PMS1: variants seen among roughly 807,000 people sequenced by gnomAD.
PMS1 encodes the protein PMS1 protein homolog 1.
A neutral mutation model predicts 93.1 loss-of-function variants in PMS1; 79 were observed. The observed-to-expected ratio is 0.85, with a 90% confidence interval of 0.71 to 1.02. The LOEUF is 1.02. Ranked by LOEUF, PMS1 falls within the 50% of genes least tolerant of loss-of-function variation. The probability of loss-of-function intolerance (pLI) is 0.00; values close to 1 mark genes in which losing one functional copy is unlikely to be tolerated. For missense variants in PMS1, 1,064 were observed against 1,085.3 expected (o/e 0.98, Z 0.28); for synonymous variants, 335 against 363.4 (o/e 0.92, Z 0.89).
rs145103030 is a variant in PMS1, at chr2:189,877,392, C to A, written c.2755C>A (p.Arg919Ser). 1 of 1,612,828 alleles carries A rather than the reference C, an allele frequency of 6.2e-7. No homozygotes were observed. The change falls in exon 13 of 13, where the codon CGC (arginine) becomes AGC (serine). Residue 919 changes from arginine (R) to serine (S), a missense_variant. Transcript: ENST00000441310. ...TGAAATTAAAGAGTGTGTTCATGGT[C>A]GCCCATTTTTTCATCATTTAACCTA... is the stretch of plus-strand genomic sequence containing the variant. ...GNEIKECVHG[R>S]PFFHHLTYLP...
chr2:189,844,173 G>C (rs1254365119), intron 6 of PMS1, 93 bp downstream of exon 6: 5 of 1,588,364 alleles, frequency 3.1e-6, no homozygotes, highest in Non-Finnish European at 4.3e-6. Context: ...CAAGAGGTTA[G>C]TCTTTTAATA....
chr2:189,800,371 A>C (rs1488462233), intron 3 of PMS1, among the ~76,000 whole-genome samples: 1 of 152,226 alleles, frequency 6.6e-6, no homozygotes. Context: ...GCTAAGTTCA[A>C]TAGATAAGTT....
At chr2:189,817,984 A>G in intron 4 of PMS1, 33 bp from the exon 5 acceptor site, 1 of 1,545,686 alleles carries the variant, frequency 6.5e-7, no homozygotes, top group Middle Eastern at 1.7e-4. Context: ...TTCCTTCCAA[A>G]TCTAAATGTG....
Position 189,818,043 on chromosome 2 carries a change from T to C in PMS1, c.445T>C (p.Phe149Leu), listed in dbSNP as rs1413798715. ...QGTTVTALRL[F>L]KNLPVRKQFY... The stretch of plus-strand genomic sequence containing the variant: ...TACAACTGTAACTGCTTTAAGATTA[T>C]TTAAGAATCTACCTGTAAGAAAGCA... Residue 149 changes from phenylalanine to leucine, a missense_variant, in exon 5 of 13, where the codon TTT becomes CTT. Phe to Leu is a conservative substitution (Grantham distance 22). Coordinates refer to ENST00000441310, the MANE Select transcript of PMS1 (RefSeq NM_000534.5). 1.9e-6 allele frequency: 3 copies of C among 1,610,170 alleles called. No individual in the cohort carries two copies. Among genetic ancestry groups the C allele is most frequent in the Non-Finnish European group, 2.5e-6 (3 of 1,176,832 alleles).
At chr2:189,863,309 A>T (rs1201136410) in intron 9 of PMS1, among the ~76,000 whole-genome samples, 2 of 147,714 alleles carry the variant, frequency 1.4e-5, no homozygotes, top group Non-Finnish European at 3.0e-5. Flanking sequence ...GCTGGAGTGC[A>T]GTGGCACGAT....
intron 2 of PMS1, among the ~76,000 whole-genome samples, chr2:189,792,688 A>AAT (rs3067428): frequency 0.09 from 11,385 of 126,878 alleles, 516 homozygotes; most frequent in Admixed American, 0.12. Flanking sequence ...TATGGACACA[A>AAT]ATATATATAT....
At chr2:189,858,084 G>A (rs1222348346) in intron 9 of PMS1, among the ~76,000 whole-genome samples, 3 of 152,114 alleles carry the variant, frequency 2.0e-5, no homozygotes, top group African/African-American at 4.8e-5. Flanking sequence ...ATAAGGAGTA[G>A]GATCAGGATT....
chr2:189,814,459 TTA>T (rs1205756223), intron 4 of PMS1, among the ~76,000 whole-genome samples: 1 of 152,212 alleles, frequency 6.6e-6, no homozygotes, highest in African/African-American at 2.4e-5. Context: ...CAATCTTCTT[TTA>T]TTTTTCTCTT....
chr2:189,854,546 T>C lies in PMS1; in HGVS notation c.1274T>C (p.Ile425Thr), dbSNP rs1379042842. The C allele has an allele frequency of 6.2e-7, 1 of 1,613,388 alleles. No homozygotes were observed. The highest frequency in any genetic ancestry group is 8.5e-7 in the Non-Finnish European group (1 of 1,179,578). ...GGTTATGGTCATTGTAGTAGTGAAA[T>C]TTCTAACATTGATAAAAACACTAAG... Reference protein sequence around the residue: ...DFGYGHCSSEISNIDKNTKNA... With the variant: ...DFGYGHCSSETSNIDKNTKNA... The change falls in exon 9 of 13, where the codon ATT becomes ACT. Residue 425 changes from isoleucine (I) to threonine (T), a missense_variant. Transcript: ENST00000441310.
In PMS1 at chr2:189,854,664, C is replaced by T. The variant is rs1165898203; in HGVS notation, c.1392C>T (p.His464=). The T allele has an allele frequency of 6.2e-7, 1 of 1,613,824 alleles. No individual in the cohort carries two copies. The highest frequency in any genetic ancestry group is 8.5e-7 in the Non-Finnish European group (1 of 1,179,814). The change falls in exon 9 of 13, where the codon CAC becomes CAT. Residue 464 remains histidine (H), a synonymous_variant. Coordinates refer to ENST00000441310, the MANE Select transcript of PMS1 (RefSeq NM_000534.5). ...SKTCFISSVK[H]TQSENGNKDH... ...CTTGTTTTATAAGTTCCGTTAAGCA[C>T]ACCCAGTCAGAAAATGGCAATAAAG...
At chr2:189,844,814 C>T (rs1315377530) in intron 6 of PMS1, among the ~76,000 whole-genome samples, 3 of 151,508 alleles carry the variant, frequency 2.0e-5, no homozygotes, top group Admixed American at 1.3e-4. Flanking sequence ...GTCATATCAG[C>T]AATAGTTTTA....
At chr2:189,874,259 A>G (rs2057381015) in intron 12 of PMS1, among the ~76,000 whole-genome samples, 1 of 152,210 alleles carries the variant, frequency 6.6e-6, no homozygotes, top group African/African-American at 2.4e-5. Context: ...AAAACATTTC[A>G]TAAATAATCC....
In PMS1 at chr2:189,852,715, A is replaced by G; in HGVS notation, c.760A>G (p.Thr254Ala). The G allele has an allele frequency of 6.3e-7, 1 of 1,581,480 alleles. No individual in the cohort carries two copies. Among genetic ancestry groups the G allele is most frequent in the Non-Finnish European group, 8.7e-7 (1 of 1,150,306 alleles). ...AGACCACTCTTTCACTAGTCTTTCAACACCAGAAAGAAGTTTCATCTTCAT... is the reference window on the plus strand; with the variant it reads ...AGACCACTCTTTCACTAGTCTTTCAGCACCAGAAAGAAGTTTCATCTTCAT... ...DADHSFTSLS[T>A]PERSFIFINS... Residue 254 changes from threonine (T) to alanine (A), a missense_variant, in exon 7 of 13, where the codon ACA becomes GCA. Thr to Ala is a moderately conservative substitution (Grantham distance 58, BLOSUM62 0). Coordinates refer to ENST00000441310, the MANE Select transcript of PMS1 (RefSeq NM_000534.5).
Position 189,854,087 on chromosome 2 carries a change from C to T in PMS1, c.966+5C>T. On this transcript the variant is annotated splice_donor_5th_base_variant and intron_variant, in intron 8 of 12. Coordinates refer to ENST00000441310, the MANE Select transcript of PMS1 (RefSeq NM_000534.5). The stretch of plus-strand genomic sequence containing the variant: ...CAAGTATTATTACAAAATAAGGTAA[C>T]TCTTTTCAGATAATTTTTTCTTATG... 2 of 1,568,306 alleles carry T rather than the reference C, an allele frequency of 1.3e-6. No individual in the cohort carries two copies. The highest frequency in any genetic ancestry group is 1.7e-6 in the Non-Finnish European group (2 of 1,148,430).
chr2:189,826,761 T>C (rs767560841), intron 5 of PMS1, among the ~76,000 whole-genome samples: 1 of 152,132 alleles, frequency 6.6e-6, no homozygotes, highest in Non-Finnish European at 1.5e-5. Flanking sequence ...TTTGACAGCC[T>C]TTTATAGGAG....
At chr2:189,793,238 G>C (rs1330368402) in intron 2 of PMS1, among the ~76,000 whole-genome samples, 3 of 152,172 alleles carry the variant, frequency 2.0e-5, no homozygotes, top group Admixed American at 6.5e-5. Flanking sequence ...TCTTCTCTCT[G>C]TGCCAGTGGT....
chr2:189,801,502 T>A (rs2049887623), intron 3 of PMS1, among the ~76,000 whole-genome samples: 1 of 152,184 alleles, frequency 6.6e-6, no homozygotes, highest in Non-Finnish European at 1.5e-5. Flanking sequence ...AATATTTTTC[T>A]TTTTAGGTTG....
chr2:189,864,943 A>T (rs149306358), intron 10 of PMS1, among the ~76,000 whole-genome samples: 245 of 151,394 alleles, frequency 1.6e-3, no homozygotes, highest in African/African-American at 5.8e-3. Context: ...GAAGTATACG[A>T]TGCATACCTT....
chr2:189,827,099 G>T (rs1473397281), intron 5 of PMS1, among the ~76,000 whole-genome samples: 1 of 152,128 alleles, frequency 6.6e-6, no homozygotes, highest in African/African-American at 2.4e-5. Flanking sequence ...AGACTGCATG[G>T]ATGGGGCAGT....
Sources: gnomAD v4.1 joint callset for allele counts (sites outside exome capture counted in the v4.1 genomes callset) on GRCh38, gnomAD v4.1.1 for gene constraint, MANE v1.5 for transcripts, NCBI Gene and HGNC (gene_info 2026-07-23, HGNC 2026-07-21) for gene names.